NTAQ1: variants seen among roughly 807,000 people sequenced by gnomAD.
NTAQ1 encodes the protein protein N-terminal glutamine amidohydrolase.
A neutral mutation model predicts 28.2 loss-of-function variants in NTAQ1; 21 were observed. The observed-to-expected ratio is 0.74, with a 90% CI of 0.53 to 1.07. The LOEUF is 1.07. Ranked by LOEUF, NTAQ1 falls within the 50% of genes least tolerant of loss-of-function variation. NTAQ1 has a pLI of 0.00. For synonymous variants in NTAQ1, 105 were observed against 90.0 expected, an observed-to-expected ratio of 1.17 and a Z score of -0.94; for missense variants, 264 against 256.6, an observed-to-expected ratio of 1.03 and a Z score of -0.20.
the NTAQ1 span, among the ~76,000 whole-genome samples, chr8:123,475,603 C>T: frequency 1.3e-5 from 2 of 151,836 alleles, no homozygotes; most frequent in Non-Finnish European, 2.9e-5. Context: ...TATTAAGGAC[C>T]ACAATGAATA....
chr8:123,465,261 T>G (rs894411424), intron 6 of NTAQ1, among the ~76,000 whole-genome samples: 9 of 152,208 alleles, frequency 5.9e-5, no homozygotes, highest in Non-Finnish European at 1.2e-4. Context: ...TGAACTAAAC[T>G]ATAGACCTTG....
At chr8:123,440,032 A>G (rs567172274) in intron 5 of NTAQ1, among the ~76,000 whole-genome samples, 2 of 150,236 alleles carry the variant, frequency 1.3e-5, no homozygotes, top group Non-Finnish European at 3.0e-5. Flanking sequence ...TAGTTATGGA[A>G]TTGACTCTTT....
chr8:123,428,096 A>AAAAG lies in NTAQ1; in HGVS notation c.183+75_183+76insAGAA, dbSNP rs1554651934. The AAAAG allele has an allele frequency of 7.7e-3, 7,782 of 1,017,214 alleles. 9 individuals are homozygous for AAAAG. The highest frequency in any genetic ancestry group is 8.7e-3 in the Non-Finnish European group (6,107 of 698,072). The allele number at this position is 1,017,214 out of a possible 1,614,324, so 63.0% of individuals were successfully genotyped here. ...CATTAGAAGCTAAATTAAAAAAAAAAAAGCTAAATATAGCATGGGTGTAGT... is the reference window on the plus strand; with the variant it reads ...CATTAGAAGCTAAATTAAAAAAAAAAAAAGAAGCTAAATATAGCATGGGTGTAGT... On this transcript the variant is annotated intron_variant, in intron 2 of 5. Transcript: ENST00000287387.
chr8:123,418,075 A>T (rs1360541112), intron 1 of NTAQ1, among the ~76,000 whole-genome samples: 1 of 152,224 alleles, frequency 6.6e-6, no homozygotes, highest in East Asian at 1.9e-4. Context: ...AGTATGTGGC[A>T]TACTTCTGGG....
At chr8:123,450,891 CTA>C (rs771915848), downstream of NTAQ1, among the ~76,000 whole-genome samples, 3 of 152,280 alleles carry the variant, frequency 2.0e-5, no homozygotes, top group East Asian at 3.9e-4. Context: ...AAAAACCAGA[CTA>C]TCTCATTCCC....
chr8:123,462,399 A>G (rs1201562148), intron 6 of NTAQ1, among the ~76,000 whole-genome samples: 1 of 152,148 alleles, frequency 6.6e-6, no homozygotes, highest in African/African-American at 2.4e-5. Flanking sequence ...TAGAAAGAAC[A>G]TTGGGTGGAT....
intron 1 of NTAQ1, among the ~76,000 whole-genome samples, chr8:123,427,357 A>G (rs1814123450): frequency 6.8e-6 from 1 of 147,660 alleles, no homozygotes; most frequent in East Asian, 2.0e-4. Context: ...GGTTCGAGCA[A>G]TTCTCCTGCC....
At chr8:123,428,474 A>G (rs529357564) in intron 2 of NTAQ1, among the ~76,000 whole-genome samples, 1 of 152,168 alleles carries the variant, frequency 6.6e-6, no homozygotes, top group South Asian at 2.1e-4. Context: ...CTGGGAGTAC[A>G]GGTGTGAGCC....
At chr8:123,430,657 T>C (rs1814340247) in intron 3 of NTAQ1, among the ~76,000 whole-genome samples, 1 of 152,192 alleles carries the variant, frequency 6.6e-6, no homozygotes, top group Admixed American at 6.6e-5. Flanking sequence ...GGCACTCACC[T>C]GTAGTCCCAG....
At position 123,437,224 on chromosome 8, in the gene NTAQ1, T is replaced by C; in HGVS notation, c.398T>C (p.Ile133Thr). The change falls in exon 5 of 6, where the codon ATC becomes ACC. Residue 133 changes from isoleucine to threonine, a missense_variant. Ile to Thr is a moderately conservative substitution (Grantham distance 89). Coordinates refer to ENST00000287387, the MANE Select transcript of NTAQ1 (RefSeq NM_018024.3). ...TTTTTCTGCAGGAAATTTAGAGTGA[T>C]CCGTGCAGATTCATATTTGAAGAAC... Reference protein sequence around the residue: ...HPQFRRKFRVIRADSYLKNFA... With the variant: ...HPQFRRKFRVTRADSYLKNFA... 1 of 1,614,038 alleles carries C rather than the reference T, an allele frequency of 6.2e-7. No individual in the cohort carries two copies.
chr8:123,443,507 G>C (rs1415462660), downstream of NTAQ1, among the ~76,000 whole-genome samples: 1 of 152,232 alleles, frequency 6.6e-6, no homozygotes, highest in African/African-American at 2.4e-5. Flanking sequence ...AAGCCAAGAA[G>C]TCTCATGGGC....
At chr8:123,421,972 G>A (rs531123156) in intron 1 of NTAQ1, among the ~76,000 whole-genome samples, 2 of 152,100 alleles carry the variant, frequency 1.3e-5, no homozygotes, top group South Asian at 4.1e-4. Context: ...GAGCCACCGC[G>A]CCCAGCCTAA....
chr8:123,446,395 T>C (rs1478182226), downstream of NTAQ1, among the ~76,000 whole-genome samples: 1 of 152,218 alleles, frequency 6.6e-6, no homozygotes, highest in Non-Finnish European at 1.5e-5. Context: ...CCATAAGGCC[T>C]CTGCCACAAC....
chr8:123,457,477 A>C (rs539606342), intron 6 of NTAQ1, among the ~76,000 whole-genome samples: 2 of 152,246 alleles, frequency 1.3e-5, no homozygotes, highest in South Asian at 4.1e-4. Context: ...CCTATATTAA[A>C]TATGTAATAA....
intron 1 of NTAQ1, among the ~76,000 whole-genome samples, chr8:123,422,569 A>G (rs13253961): frequency 0.37 from 54,168 of 148,076 alleles, 9,876 homozygotes; most frequent in East Asian, 0.56. Flanking sequence ...GAGCCTCACC[A>G]TGCCTGGCTG....
intron 1 of NTAQ1, among the ~76,000 whole-genome samples, chr8:123,419,106 T>G (rs1586922682): frequency 8.2e-5 from 3 of 36,794 alleles, no homozygotes; most frequent in Middle Eastern, 0.015. Context: ...TTTTTTTTTT[T>G]TTTTTTTTTT....
At chr8:123,433,214 A>G (rs1191704279) in intron 3 of NTAQ1, among the ~76,000 whole-genome samples, 3 of 152,136 alleles carry the variant, frequency 2.0e-5, no homozygotes, top group African/African-American at 7.2e-5. Flanking sequence ...TTTTGGGCCA[A>G]CCCTTTTCCT....
chr8:123,428,096 A>AAAAAAG, intron 2 of NTAQ1, 73 bp downstream of exon 2: 2 of 1,023,782 alleles, frequency 2.0e-6, no homozygotes, highest in Non-Finnish European at 2.8e-6. Flanking sequence ...TAAAAAAAAA[A>AAAAAAG]AAGCTAAATA....
downstream of NTAQ1, among the ~76,000 whole-genome samples, chr8:123,453,006 A>T (rs2130385831): frequency 6.6e-6 from 1 of 152,358 alleles, no homozygotes; most frequent in East Asian, 1.9e-4. Context: ...TGAGGTTTCC[A>T]TGGGGACCTG....
Sources: allele counts gnomAD v4.1 joint callset (sites outside exome capture counted in the v4.1 genomes callset), GRCh38; gene constraint gnomAD v4.1.1; transcripts MANE v1.5; gene names NCBI Gene and HGNC (gene_info 2026-07-23, HGNC 2026-07-21).